CACNG2: variants seen among roughly 807,000 people sequenced by gnomAD.
CACNG2 encodes calcium voltage-gated channel auxiliary subunit gamma 2, also known as voltage-dependent calcium channel gamma-2 subunit.
Under a neutral mutation model 25.9 loss-of-function variants are expected in CACNG2, and 3 were observed. That is an observed-to-expected ratio of 0.12 (90% CI 0.05 to 0.30). CACNG2 has a LOEUF of 0.30. Ranked by LOEUF, CACNG2 falls within the 10% of genes least tolerant of loss-of-function variation. The probability of loss-of-function intolerance (pLI) is 1.00; values close to 1 mark genes in which losing one functional copy is unlikely to be tolerated. For synonymous variants in CACNG2, 167 were observed against 173.3 expected, an observed-to-expected ratio of 0.96 and a Z score of 0.29; for missense variants, 341 against 432.5, an observed-to-expected ratio of 0.79 and a Z score of 1.88.
In CACNG2 at chr22:36,564,994, T is replaced by G; in HGVS notation, c.437-108A>C. The G allele has an allele frequency of 2.1e-6, 2 of 970,978 alleles. No homozygotes were observed. Among genetic ancestry groups the G allele is most frequent in the South Asian group, 2.6e-5 (2 of 76,366 alleles). 60.1% of individuals were successfully genotyped at this position (970,978 alleles called of 1,614,324 possible). A position where few individuals can be genotyped will look rare whatever the true frequency, so the allele number is the denominator to read the frequency against. On this transcript the variant is annotated intron_variant, in intron 3 of 3. Coordinates refer to ENST00000300105, the MANE Select transcript of CACNG2 (RefSeq NM_006078.5). The surrounding 1 kb of genome is among the most constrained non-coding windows in gnomAD (Gnocchi z 6.7). ...AGGACGGGGACAGCTGTGTGGGCCT[T>G]CCCCGGTCCCGCGCCTTCATGAACA...
chr22:36,615,060 G>A (rs1171802344), intron 1 of CACNG2, among the ~76,000 whole-genome samples: 2 of 152,200 alleles, frequency 1.3e-5, no homozygotes, highest in Non-Finnish European at 2.9e-5. Context: ...AACGGACTAT[G>A]TGTATTTTGT....
chr22:36,576,403 A>G (rs1399143601), intron 2 of CACNG2, among the ~76,000 whole-genome samples: 1 of 152,132 alleles, frequency 6.6e-6, no homozygotes, highest in Non-Finnish European at 1.5e-5. Flanking sequence ...GATGAGGTAT[A>G]AAAGGCTACA....
chr22:36,604,101 C>T (rs1042229706), intron 1 of CACNG2, among the ~76,000 whole-genome samples: 1 of 152,102 alleles, frequency 6.6e-6, no homozygotes, highest in Non-Finnish European at 1.5e-5. Context: ...TCAACATTAA[C>T]AGGAATTTGG....
At chr22:36,690,384 G>A (rs1363618367) in intron 1 of CACNG2, among the ~76,000 whole-genome samples, 1 of 152,052 alleles carries the variant, frequency 6.6e-6, no homozygotes, top group East Asian at 1.9e-4. Context: ...AACCAAAAAT[G>A]TGGATTTTTA....
At chr22:36,683,842 T>C (rs565086032) in intron 1 of CACNG2, among the ~76,000 whole-genome samples, 1 of 152,200 alleles carries the variant, frequency 6.6e-6, no homozygotes, top group African/African-American at 2.4e-5. Context: ...GCAGCATCTC[T>C]CTCTCTCTCC....
chr22:36,599,930 G>C (rs114918847), intron 1 of CACNG2, among the ~76,000 whole-genome samples: 4,906 of 152,214 alleles, frequency 0.032, 168 homozygotes, highest in African/African-American at 0.093. Flanking sequence ...TCCCAGCCTC[G>C]CTTGCAGCTG....
At chr22:36,688,901 A>C (rs1378386891) in intron 1 of CACNG2, among the ~76,000 whole-genome samples, 2 of 152,094 alleles carry the variant, frequency 1.3e-5, no homozygotes, top group Non-Finnish European at 2.9e-5. Context: ...GTACACATTA[A>C]AGTTTTGAGG....
At chr22:36,646,295 T>C (rs531138872) in intron 1 of CACNG2, among the ~76,000 whole-genome samples, 21 of 152,272 alleles carry the variant, frequency 1.4e-4, no homozygotes, top group African/African-American at 4.8e-4. Flanking sequence ...AAGTTTGAGA[T>C]AGTGACATTA....
At chr22:36,653,093 G>A (rs1425019847) in intron 1 of CACNG2, among the ~76,000 whole-genome samples, 2 of 152,144 alleles carry the variant, frequency 1.3e-5, no homozygotes, top group Non-Finnish European at 2.9e-5. Flanking sequence ...AGGCCGAGGC[G>A]GGTGGATCAC....
At chr22:36,633,047 C>G (rs1295171987) in intron 1 of CACNG2, among the ~76,000 whole-genome samples, 1 of 152,210 alleles carries the variant, frequency 6.6e-6, no homozygotes, top group Non-Finnish European at 1.5e-5. Flanking sequence ...TTCTCTCTAC[C>G]TAGAACCTCA....
chr22:36,626,375 A>AT (rs1039626434), intron 1 of CACNG2, among the ~76,000 whole-genome samples: 5 of 152,072 alleles, frequency 3.3e-5, no homozygotes, highest in African/African-American at 1.2e-4. Flanking sequence ...GACCTACCTC[A>AT]TTCTTGACTA....
chr22:36,632,697 C>T (rs1225537175), intron 1 of CACNG2, among the ~76,000 whole-genome samples: 1 of 152,038 alleles, frequency 6.6e-6, no homozygotes, highest in Non-Finnish European at 1.5e-5. Context: ...CACTTGCCTT[C>T]GGGCACCCCC....
intron 1 of CACNG2, among the ~76,000 whole-genome samples, chr22:36,619,354 C>T (rs551357988): frequency 6.6e-5 from 10 of 152,286 alleles, no homozygotes; most frequent in South Asian, 6.2e-4. Context: ...AAATTTCTTA[C>T]GCTCACGCTC....
In CACNG2 at chr22:36,560,883, AT is replaced by A. The variant is rs569436056; in HGVS notation, c.*3467del. On this transcript the variant is annotated 3_prime_UTR_variant, in exon 4 of 4. Transcript: ENST00000300105. ...GAGGACCAAGCTATAAAAAAAAAAA[AT>A]CTTTATTTCATGTACCAGGATTTTT... 1.6e-3 allele frequency: 242 copies of A among 151,570 alleles called. No individual in the cohort carries two copies. The highest frequency in any genetic ancestry group is 2.9e-3 in the Non-Finnish European group (194 of 67,848). The allele number at this position is 151,570 out of a possible 1,614,324, so 9.4% of individuals were successfully genotyped here. A position where few individuals can be genotyped will look rare whatever the true frequency, so the allele number is the denominator to read the frequency against.
chr22:36,670,598 T>TTTTTTGTTTTTTTGTGTGTTTTG (rs1936934440), intron 1 of CACNG2, among the ~76,000 whole-genome samples: 1 of 148,002 alleles, frequency 6.8e-6, no homozygotes, highest in Non-Finnish European at 1.5e-5. Context: ...GGGCTACCTG[T>TTTTTTGTTTTTTTGTGTGTTTTG]TTTTTGTTTT....
At chr22:36,596,603 G>T (rs1185595505) in intron 1 of CACNG2, among the ~76,000 whole-genome samples, 1 of 152,142 alleles carries the variant, frequency 6.6e-6, no homozygotes, top group Non-Finnish European at 1.5e-5. Flanking sequence ...GAAGTAAGTG[G>T]TCTGTCCTGC....
intron 2 of CACNG2, among the ~76,000 whole-genome samples, chr22:36,580,108 C>T (rs1023293191): frequency 2.6e-5 from 4 of 152,160 alleles, no homozygotes; most frequent in Non-Finnish European, 4.4e-5. Context: ...CCTTAATCCT[C>T]ATGGCAATGC....
chr22:36,608,544 A>G (rs544853688), intron 1 of CACNG2, among the ~76,000 whole-genome samples: 1 of 152,270 alleles, frequency 6.6e-6, no homozygotes, highest in East Asian at 1.9e-4. Context: ...CATCACATCA[A>G]CCCCTTGGGT....
intron 1 of CACNG2, among the ~76,000 whole-genome samples, chr22:36,681,991 C>T (rs1356280701): frequency 6.6e-6 from 1 of 152,234 alleles, no homozygotes; most frequent in Non-Finnish European, 1.5e-5. Context: ...CTCCCTCTAC[C>T]ATCAGCCCAT....
Sources: allele counts gnomAD v4.1 joint callset (sites outside exome capture counted in the v4.1 genomes callset), GRCh38; gene constraint gnomAD v4.1.1; non-coding constraint Gnocchi (gnomAD v3.1); transcripts MANE v1.5; gene names NCBI Gene and HGNC (gene_info 2026-07-23, HGNC 2026-07-21).